PHF6: variants seen among roughly 807,000 people sequenced by gnomAD.
PHF6 encodes the protein PHD finger protein 6, also known as PHD-like zinc finger protein.
Under a neutral mutation model 34.0 loss-of-function variants are expected in PHF6, and 7 were observed. The ratio of observed to expected loss-of-function variants is 0.21; its 90% confidence interval spans 0.12 to 0.39. The LOEUF is 0.39. PHF6 is among the 10% of genes least tolerant of loss of function. The pLI is 1.00. For synonymous variants in PHF6, 89 were observed against 88.4 expected, an observed-to-expected ratio of 1.01 and a Z score of -0.04; for missense variants, 128 against 262.8, an observed-to-expected ratio of 0.49 and a Z score of 3.55.
chrX:134,403,020 C>G (rs1345926857), intron 5 of PHF6, among the ~76,000 whole-genome samples: 1 of 111,711 alleles, frequency 9.0e-6, no homozygotes. Flanking sequence ...TCCCTATTGT[C>G]TAAGACATAA....
At chrX:134,406,062 T>TTCTTTCTTTC (rs1556017614) in intron 5 of PHF6, among the ~76,000 whole-genome samples, 44 of 78,060 alleles carry the variant, frequency 5.6e-4, no homozygotes, top group African/African-American at 1.9e-3. Flanking sequence ...TCCTTTTTCT[T>TTCTTTCTTTC]TTTCTTTCTT....
intron 5 of PHF6, among the ~76,000 whole-genome samples, chrX:134,412,989 C>T (rs973672761): frequency 7.2e-5 from 8 of 111,746 alleles, no homozygotes; most frequent in African/African-American, 2.6e-4. Flanking sequence ...GGCAACAGTC[C>T]TGTATATGTG....
chrX:134,373,858 G>A (rs1393119424), intron 1 of PHF6, among the ~76,000 whole-genome samples: 3 of 103,338 alleles, frequency 2.9e-5, no homozygotes, highest in Non-Finnish European at 5.9e-5. Context: ...ACGGAATGAG[G>A]AAAAACTCCG....
intron 5 of PHF6, 109 bp downstream of exon 5, chrX:134,394,061 T>C: frequency 1.4e-6 from 1 of 701,415 alleles, no homozygotes; most frequent in Non-Finnish European, 2.3e-6. Flanking sequence ...TATCTCAACA[T>C]TCAGTACATT....
chrX:134,416,284 G>A (rs2077472299), intron 8 of PHF6, among the ~76,000 whole-genome samples: 1 of 111,499 alleles, frequency 9.0e-6, no homozygotes, highest in Non-Finnish European at 1.9e-5. Context: ...AGAGCCTGTA[G>A]TACTGAAAAA....
At chrX:134,417,028 G>A (rs1197914470) in intron 8 of PHF6, 141 bp from the exon 9 acceptor site, 2 of 617,026 alleles carry the variant, frequency 3.2e-6, no homozygotes, top group African/African-American at 4.4e-5. Context: ...CAATATTAGA[G>A]GGCTTATCAA....
Position 134,393,558 on chromosome X carries a change from C to T in PHF6, c.298C>T (p.His100Tyr). The change falls in exon 4 of 11, where the codon CAC (histidine) becomes TAC (tyrosine). Residue 100 changes from histidine (H) to tyrosine (Y), a missense_variant. Coordinates refer to ENST00000370803, the MANE Select transcript of PHF6 (RefSeq NM_001015877.2). The part of the protein sequence containing the change: ...ATIGCDVKTC[H>Y]RTYHYHCALH... ...AATTGGTTGTGATGTGAAAACATGT[C>T]ACAGGACATACCACTACCACTGTGC... 1 of 1,208,564 alleles carries T rather than the reference C, an allele frequency of 8.3e-7. No homozygotes were observed. The highest frequency in any genetic ancestry group is 1.1e-6 in the Non-Finnish European group (1 of 892,619).
Position 134,393,897 on chromosome X carries a change from C to T in PHF6, c.375-12C>T. ...TTTGCTTACTAATTTTTGATTTCTTCATTTTTTATAGGGTCTATTGCCGAA... is the reference window on the plus strand; with the variant it reads ...TTTGCTTACTAATTTTTGATTTCTTTATTTTTTATAGGGTCTATTGCCGAA... On this transcript the variant is annotated splice_polypyrimidine_tract_variant and intron_variant, in intron 4 of 10. Coordinates refer to ENST00000370803, the MANE Select transcript of PHF6 (RefSeq NM_001015877.2). The T allele has an allele frequency of 8.3e-7, 1 of 1,204,136 alleles. No individual in the cohort carries two copies.
At chrX:134,419,730 C>T (rs1444638554) in intron 9 of PHF6, 2 of 111,424 alleles carry the variant, frequency 1.8e-5, no homozygotes, top group African/African-American at 6.5e-5. Flanking sequence ...GGTTGGTGCC[C>T]AAACCATGCA....
At chrX:134,377,807 A>G (rs754580561) in intron 2 of PHF6, 52 bp downstream of exon 2, 6 of 1,141,110 alleles carry the variant, frequency 5.3e-6, no homozygotes, top group African/African-American at 1.8e-5. Context: ...GAGACTCTTA[A>G]TAACACATGA....
At chrX:134,408,446 T>C (rs2077434938) in intron 5 of PHF6, among the ~76,000 whole-genome samples, 1 of 111,786 alleles carries the variant, frequency 8.9e-6, no homozygotes, top group Non-Finnish European at 1.9e-5. Context: ...TTACCCAGTT[T>C]ATGTTCCCAC....
chrX:134,419,916 C>T (rs984623100), intron 9 of PHF6: 2 of 112,348 alleles, frequency 1.8e-5, no homozygotes, highest in African/African-American at 6.5e-5. Flanking sequence ...TGCATTGACT[C>T]ACGTCTATAA....
chrX:134,399,674 CACACACACACAG>C (rs560170990), intron 5 of PHF6, among the ~76,000 whole-genome samples: 2,525 of 104,242 alleles, frequency 0.024, 53 homozygotes, highest in African/African-American at 0.067. Context: ...CACACAGACA[CACACACACACAG>C]ACACACACAC....
intron 3 of PHF6, among the ~76,000 whole-genome samples, chrX:134,390,883 T>C (rs184424822): frequency 9.0e-6 from 1 of 111,677 alleles, no homozygotes; most frequent in African/African-American, 3.2e-5. Context: ...GCCATTCCAA[T>C]TTCTTTGAAA....
intron 5 of PHF6, among the ~76,000 whole-genome samples, chrX:134,406,078 C>T (rs1348130568): frequency 1.1e-5 from 1 of 88,732 alleles, no homozygotes; most frequent in Non-Finnish European, 2.3e-5. Context: ...TTCTTTCTTT[C>T]TTTCTTTCTT....
intron 5 of PHF6, among the ~76,000 whole-genome samples, chrX:134,407,447 A>G (rs2077429802): frequency 8.9e-6 from 1 of 112,328 alleles, no homozygotes. Flanking sequence ...TCATAACCAT[A>G]GGGGGCTGGT....
intron 9 of PHF6, chrX:134,420,315 A>T (rs1174549957): frequency 9.2e-6 from 1 of 108,502 alleles, no homozygotes; most frequent in Non-Finnish European, 1.9e-5. Flanking sequence ...CTCAAAAAAA[A>T]AAAAAAAAGA....
intron 5 of PHF6, among the ~76,000 whole-genome samples, chrX:134,408,570 G>GT (rs59700112): frequency 0.12 from 13,387 of 110,768 alleles, 706 homozygotes; most frequent in East Asian, 0.21. Flanking sequence ...CTCTGTTCAT[G>GT]TTTTTTTGTC....
At chrX:134,411,802 G>A (rs1415780949) in intron 5 of PHF6, among the ~76,000 whole-genome samples, 2 of 111,223 alleles carry the variant, frequency 1.8e-5, no homozygotes, top group Non-Finnish European at 3.8e-5. Context: ...GCACAATCTC[G>A]GCTCTCTGCA....
Sources: gnomAD v4.1 joint callset for allele counts (sites outside exome capture counted in the v4.1 genomes callset) on GRCh38, gnomAD v4.1.1 for gene constraint, MANE v1.5 for transcripts, NCBI Gene and HGNC (gene_info 2026-07-23, HGNC 2026-07-21) for gene names.